The following UBAC2 variants were observed in gnomAD, a reference collection of about 807,000 sequenced individuals.
The protein encoded by UBAC2 is ubiquitin-associated domain-containing protein 2.
Under a neutral mutation model 44.0 loss-of-function variants are expected in UBAC2, and 26 were observed. The observed-to-expected ratio is 0.59, with a 90% CI of 0.43 to 0.82. UBAC2 has a LOEUF of 0.82. Ranked by LOEUF, UBAC2 falls within the 40% of genes least tolerant of loss-of-function variation. The probability of loss-of-function intolerance (pLI) is 0.00; values close to 1 mark genes in which losing one functional copy is unlikely to be tolerated. For missense variants in UBAC2, 329 were observed against 419.4 expected (o/e 0.78, Z 1.88); for synonymous variants, 155 against 154.3 (o/e 1.00, Z -0.04).
At position 99,347,214 on chromosome 13, in the gene UBAC2, G is replaced by A. The variant is rs531804172; in HGVS notation, c.807+6649G>A. Among the ~76,000 whole-genome samples the A allele has an allele frequency of 2.0e-5, 3 of 151,112 alleles. No homozygotes were observed. In the South Asian group the frequency reaches 6.3e-4, roughly 32 times the overall value. On this transcript the variant is annotated intron_variant, in intron 7 of 8. Coordinates refer to ENST00000403766, the MANE Select transcript of UBAC2 (RefSeq NM_001144072.2). ...AAGAGGGAAAAAAAAGAACCCCCAG[G>A]GACCAAGGAGAAAACCAGTTCAGTG...
rs1378370897 is a variant in UBAC2, at chr13:99,295,067, C to G, written c.390-19030C>G. On this transcript the variant is annotated intron_variant, in intron 4 of 8. Transcript: ENST00000403766. The surrounding 1 kb of genome is among the most constrained non-coding windows in gnomAD (Gnocchi z 4.1). Reference sequence around the variant, plus strand: ...ACCAAAATACAATCCATTTCACTTTCCATTTGAAGACTTGGAATGTATCAT... The same window carrying G: ...ACCAAAATACAATCCATTTCACTTTGCATTTGAAGACTTGGAATGTATCAT... The G allele has an allele frequency of 1.2e-6, 2 of 1,612,588 alleles. No individual in the cohort carries two copies. Among genetic ancestry groups the G allele is most frequent in the African/African-American group, 2.7e-5 (2 of 74,826 alleles).
At chr13:99,290,410 T>C (rs570169760) in intron 4 of UBAC2, among the ~76,000 whole-genome samples, 1 of 152,084 alleles carries the variant, frequency 6.6e-6, no homozygotes, top group South Asian at 2.1e-4. Context: ...GTGTCTGGAC[T>C]AGGATGATGG....
chr13:99,363,072 G>A (rs1388903365), intron 7 of UBAC2, among the ~76,000 whole-genome samples: 1 of 152,178 alleles, frequency 6.6e-6, no homozygotes, highest in Non-Finnish European at 1.5e-5. Flanking sequence ...GTGGTGTGAA[G>A]TAAGGGCCTA....
At chr13:99,369,418 G>A (rs768717491) in intron 8 of UBAC2, among the ~76,000 whole-genome samples, 3 of 152,118 alleles carry the variant, frequency 2.0e-5, no homozygotes, top group African/African-American at 4.8e-5. Flanking sequence ...ACTGTGAACC[G>A]TTCTGTTTTT....
At chr13:99,273,322 G>A (rs1485659644) in intron 4 of UBAC2, among the ~76,000 whole-genome samples, 1 of 152,144 alleles carries the variant, frequency 6.6e-6, no homozygotes, top group African/African-American at 2.4e-5. Context: ...GGCAGAGTCA[G>A]ATTAGGTTAA....
At chr13:99,286,399 T>G (rs2044019467) in intron 4 of UBAC2, among the ~76,000 whole-genome samples, 1 of 152,228 alleles carries the variant, frequency 6.6e-6, no homozygotes, top group Admixed American at 6.5e-5. Context: ...CTTGCTGATC[T>G]TTTCATGTGG....
In UBAC2 at chr13:99,295,906, A is replaced by G. The variant is rs751895248; in HGVS notation, c.390-18191A>G. 3 of 1,613,438 alleles carry G rather than the reference A, an allele frequency of 1.9e-6. No individual in the cohort carries two copies. Among genetic ancestry groups the G allele is most frequent in the East Asian group, 2.2e-5 (1 of 44,874 alleles). On this transcript the variant is annotated intron_variant, in intron 4 of 8. Coordinates refer to ENST00000403766, the MANE Select transcript of UBAC2 (RefSeq NM_001144072.2). This position sits in a 1 kb window ranked among gnomAD's most constrained non-coding sequence, Gnocchi z 4.1. ...CTATTCGTGTAGGCAAAGCGGTGGT[A>G]AAAAGTATATCAGAAATCACCAAAT...
intron 7 of UBAC2, among the ~76,000 whole-genome samples, chr13:99,365,189 G>A (rs1594174301): frequency 6.6e-6 from 1 of 151,814 alleles, no homozygotes; most frequent in Non-Finnish European, 1.5e-5. Context: ...GTTTATTTGT[G>A]CTCCTTCCTT....
In UBAC2 at chr13:99,323,543, G is replaced by C. The variant is rs542103642; in HGVS notation, c.561+5474G>C. ...TGTAGAAGTTGAAGACAAGTAGCAG[G>C]TTCTTAAGAAGCATCCAAATTTGGA... On this transcript the variant is annotated intron_variant, in intron 6 of 8. Transcript: ENST00000403766. Among the ~76,000 whole-genome samples the C allele has an allele frequency of 2.4e-4, 36 of 152,346 alleles. 1 individual carries two copies. The highest frequency in any genetic ancestry group is 2.2e-3 in the Admixed American group (34 of 15,304).
intron 6 of UBAC2, among the ~76,000 whole-genome samples, chr13:99,336,195 T>G (rs2044786675): frequency 6.6e-6 from 1 of 152,202 alleles, no homozygotes; most frequent in African/African-American, 2.4e-5. Context: ...CTGGGCTCTT[T>G]CTTACACATT....
intron 4 of UBAC2, among the ~76,000 whole-genome samples, chr13:99,263,669 A>T (rs146257206): frequency 6.6e-6 from 1 of 152,374 alleles, no homozygotes; most frequent in East Asian, 1.9e-4. Context: ...CATGCTGCGT[A>T]CCAGGAGACA....
At chr13:99,269,967 C>T (rs1270189984) in intron 4 of UBAC2, among the ~76,000 whole-genome samples, 2 of 152,184 alleles carry the variant, frequency 1.3e-5, no homozygotes, top group Admixed American at 6.5e-5. Flanking sequence ...GTTTGATACC[C>T]TGTGACTATT....
At chr13:99,339,466 A>T (rs1216162561) in intron 6 of UBAC2, among the ~76,000 whole-genome samples, 1 of 152,152 alleles carries the variant, frequency 6.6e-6, no homozygotes, top group Non-Finnish European at 1.5e-5. Flanking sequence ...TCTTTGCTGT[A>T]TTCTAAGTTC....
chr13:99,226,792 CT>C (rs1284761791), intron 1 of UBAC2, among the ~76,000 whole-genome samples: 1 of 152,082 alleles, frequency 6.6e-6, no homozygotes, highest in Non-Finnish European at 1.5e-5. Context: ...TGTGTACTTG[CT>C]TTTTTTTCCT....
intron 4 of UBAC2, chr13:99,308,008 T>C (rs961240021): frequency 6.6e-6 from 1 of 152,194 alleles, no homozygotes; most frequent in Admixed American, 6.5e-5. Context: ...AGGGAAACAG[T>C]TGAAGGGAGG....
chr13:99,361,585 C>G (rs990474681), intron 7 of UBAC2, among the ~76,000 whole-genome samples: 1 of 152,166 alleles, frequency 6.6e-6, no homozygotes, highest in Non-Finnish European at 1.5e-5. Context: ...TACATACATA[C>G]TTATCAGGGT....
chr13:99,314,238 A>C lies in UBAC2; in HGVS notation c.513+18A>C. 8.1e-7 allele frequency: 1 copy of C among 1,235,926 alleles called. No individual in the cohort carries two copies. The highest frequency in any genetic ancestry group is 1.1e-6 in the Non-Finnish European group (1 of 915,500). The allele number at this position is 1,235,926 out of a possible 1,614,324, so 76.6% of individuals were successfully genotyped here. A position where few individuals can be genotyped will look rare whatever the true frequency, so the allele number is the denominator to read the frequency against. Reference sequence around the variant, plus strand: ...GACTGCAGGTACAGTATGCATTTTTATGTTCACTTTTCTTTAACCAGATCT... The same window carrying C: ...GACTGCAGGTACAGTATGCATTTTTCTGTTCACTTTTCTTTAACCAGATCT... On this transcript the variant is annotated intron_variant, in intron 5 of 8. Transcript: ENST00000403766.
chr13:99,273,326 A>C (rs2043841563), intron 4 of UBAC2, among the ~76,000 whole-genome samples: 1 of 152,066 alleles, frequency 6.6e-6, no homozygotes, highest in South Asian at 2.1e-4. Context: ...GAGTCAGATT[A>C]GGTTAAGAGG....
intron 1 of UBAC2, among the ~76,000 whole-genome samples, chr13:99,229,700 G>C (rs2043151288): frequency 6.6e-6 from 1 of 152,166 alleles, no homozygotes; most frequent in Non-Finnish European, 1.5e-5. Context: ...ATAATCAATG[G>C]GGAAAATTTG....
Sources: allele counts gnomAD v4.1 joint callset (sites outside exome capture counted in the v4.1 genomes callset), GRCh38; gene constraint gnomAD v4.1.1; non-coding constraint Gnocchi (gnomAD v3.1); transcripts MANE v1.5; gene names NCBI Gene and HGNC (gene_info 2026-07-23, HGNC 2026-07-21).